Variants in PRDM10 observed in about 807,000 individuals in gnomAD.
The protein encoded by PRDM10 is PR domain zinc finger protein 10.
PRDM10 carries 65 observed loss-of-function variants against 133.1 expected under a neutral mutation model. That is an observed-to-expected ratio of 0.49 (90% CI 0.40 to 0.60). The LOEUF (loss-of-function observed/expected upper bound fraction) is 0.60, where lower values mean the gene tolerates loss of function less well. Ranked by LOEUF, PRDM10 falls within the 20% of genes least tolerant of loss-of-function variation. The probability of loss-of-function intolerance (pLI) is 0.00; values close to 1 mark genes in which losing one functional copy is unlikely to be tolerated. For missense variants in PRDM10, 1,137 were observed against 1,507.1 expected, an observed-to-expected ratio of 0.75 and a Z score of 4.07; for synonymous variants, 582 against 580.4, an observed-to-expected ratio of 1.00 and a Z score of -0.04.
rs567475881 is a variant in PRDM10, at chr11:129,991,905, C to G, written c.-119+10817G>C. Among the ~76,000 whole-genome samples, 150 of 151,028 alleles carry G rather than the reference C, an allele frequency of 9.9e-4. No individual in the cohort carries two copies. In the Middle Eastern group the frequency reaches 0.014, roughly 14 times the overall value. The stretch of plus-strand genomic sequence containing the variant: ...AGCTGAGACAGGAGTATCAGAGAAT[C>G]GCTTGAACCCAGGAGGCAGAGGTTG... On this transcript the variant is annotated intron_variant, in intron 1 of 20. Coordinates refer to ENST00000360871, the MANE Select transcript of PRDM10 (RefSeq NM_199437.2).
At chr11:129,989,287 C>G (rs536301216) in intron 1 of PRDM10, among the ~76,000 whole-genome samples, 1 of 151,898 alleles carries the variant, frequency 6.6e-6, no homozygotes, top group East Asian at 1.9e-4. Flanking sequence ...CCCTGGCCAA[C>G]AGCAAGACCC....
At chr11:129,971,417 ATTAG>A (rs1041402340) in intron 1 of PRDM10, among the ~76,000 whole-genome samples, 2 of 152,160 alleles carry the variant, frequency 1.3e-5, no homozygotes, top group African/African-American at 4.8e-5. Flanking sequence ...TCCCCATCAG[ATTAG>A]TTAGATACAG....
chr11:129,915,581 T>C lies in PRDM10; in HGVS notation c.2526+79A>G, dbSNP rs969234375. On this transcript the variant is annotated intron_variant, in intron 16 of 20. Transcript: ENST00000360871. Reference sequence around the variant, plus strand: ...CTCAGAAGGAGCCATCCAGGCCATGTGGATGAGAAGCCACCTTTCCTTAAG... The same window carrying C: ...CTCAGAAGGAGCCATCCAGGCCATGCGGATGAGAAGCCACCTTTCCTTAAG... The C allele has an allele frequency of 5.5e-6, 8 of 1,449,586 alleles. No homozygotes were observed. The African/African-American group carries it at 8.5e-5, about 15-fold the overall frequency. 89.8% of individuals were successfully genotyped at this position (1,449,586 alleles called of 1,614,324 possible). A position where few individuals can be genotyped will look rare whatever the true frequency, so the allele number is the denominator to read the frequency against.
intron 4 of PRDM10, among the ~76,000 whole-genome samples, chr11:129,953,717 G>T (rs1421177663): frequency 1.3e-5 from 2 of 149,410 alleles, no homozygotes; most frequent in Non-Finnish European, 1.5e-5. Flanking sequence ...AAAAAATTTG[G>T]TTCTTAACTT....
At chr11:129,993,242 T>C (rs1258340081) in intron 1 of PRDM10, among the ~76,000 whole-genome samples, 1 of 152,242 alleles carries the variant, frequency 6.6e-6, no homozygotes, top group Admixed American at 6.5e-5. Context: ...TTTTCTGAAG[T>C]GGCTGTTCAA....
chr11:129,995,246 G>C (rs1938983674), intron 1 of PRDM10, among the ~76,000 whole-genome samples: 1 of 152,158 alleles, frequency 6.6e-6, no homozygotes, highest in Non-Finnish European at 1.5e-5. Flanking sequence ...ATACATGATG[G>C]AAGAGACTGA....
In PRDM10 at chr11:129,961,016, T is replaced by C. The variant is rs772258683; in HGVS notation, c.-52A>G. 73 of 1,548,624 alleles carry C rather than the reference T, an allele frequency of 4.7e-5. No homozygotes were observed. The highest frequency in any genetic ancestry group is 1.3e-4 in the Admixed American group (8 of 59,742). On this transcript the variant is annotated 5_prime_UTR_variant, in exon 2 of 21. Coordinates refer to ENST00000360871, the MANE Select transcript of PRDM10 (RefSeq NM_199437.2). ...CTGGCACACCTAGAGCAGCACAGGG[T>C]ACAGGACAGTCATCTGTCTACCACA... is the stretch of plus-strand genomic sequence containing the variant.
At chr11:129,986,369 G>C (rs575819527) in intron 1 of PRDM10, among the ~76,000 whole-genome samples, 62 of 152,182 alleles carry the variant, frequency 4.1e-4, no homozygotes, top group African/African-American at 1.5e-3. Context: ...CACCTCTAAC[G>C]CTGTTGTGTG....
At chr11:129,930,924 G>A (rs536245319) in intron 11 of PRDM10, 92 bp downstream of exon 11, 1 of 1,481,268 alleles carries the variant, frequency 6.8e-7, no homozygotes, top group African/African-American at 1.4e-5. Flanking sequence ...ATTTCAGAGA[G>A]GAAGGTGAAT....
At chr11:129,928,918 C>T (rs1950767131) in intron 11 of PRDM10, among the ~76,000 whole-genome samples, 1 of 152,188 alleles carries the variant, frequency 6.6e-6, no homozygotes, top group African/African-American at 2.4e-5. Flanking sequence ...CTACCTTCCT[C>T]CTCTCTTTCA....
chr11:129,971,996 C>T (rs1426459426), intron 1 of PRDM10, among the ~76,000 whole-genome samples: 1 of 152,220 alleles, frequency 6.6e-6, no homozygotes, highest in Non-Finnish European at 1.5e-5. Flanking sequence ...GCAGCTAAGG[C>T]CCGGTGAGAA....
intron 1 of PRDM10, among the ~76,000 whole-genome samples, chr11:129,966,485 T>C (rs539133281): frequency 6.6e-6 from 1 of 152,310 alleles, no homozygotes; most frequent in East Asian, 1.9e-4. Context: ...GAATGAGTCA[T>C]GTGCACTGTT....
intron 8 of PRDM10, among the ~76,000 whole-genome samples, chr11:129,936,956 T>C (rs949374423): frequency 9.9e-5 from 15 of 152,200 alleles, no homozygotes; most frequent in African/African-American, 3.4e-4. Flanking sequence ...ATAAATTGTA[T>C]ACACAAATGT....
chr11:130,000,839 G>A (rs752635991), intron 1 of PRDM10, among the ~76,000 whole-genome samples: 1 of 152,290 alleles, frequency 6.6e-6, no homozygotes, highest in African/African-American at 2.4e-5. Context: ...GAGCGCGGGG[G>A]CCCATGCCTG....
rs138226856 is a variant in PRDM10 at position 129,990,419 on chromosome 11, G to C, written c.-119+12303C>G. On this transcript the variant is annotated intron_variant, in intron 1 of 20. Coordinates refer to ENST00000360871, the MANE Select transcript of PRDM10 (RefSeq NM_199437.2). ...TGCCTGTAATCCCAGCTATTCAGGAGGGTGAGGCCTAAGAATCACTTGAAC... is the reference window on the plus strand; with the variant it reads ...TGCCTGTAATCCCAGCTATTCAGGACGGTGAGGCCTAAGAATCACTTGAAC... 3.0e-3 allele frequency among the ~76,000 whole-genome samples: 454 copies of C among 151,562 alleles called. 4 individuals are homozygous for C. Among genetic ancestry groups the C allele is most frequent in the African/African-American group, 0.01 (429 of 41,272 alleles).
In PRDM10 at chr11:129,947,242, G is replaced by GTCCTCA. The variant is rs752190792; in HGVS notation, c.417_422dup (p.Glu142_Asp143dup). On this transcript the variant is annotated inframe_insertion, in exon 5 of 21. Transcript: ENST00000360871. This position sits in a 1 kb window ranked among gnomAD's most constrained non-coding sequence, Gnocchi z 4.6. ...CTTCCTCATCTTCCTCAGTGTCCTC[G>GTCCTCA]TCCTCATCCTCATCCTCTTCCTCTT... The GTCCTCA allele has an allele frequency of 1.4e-5, 23 of 1,613,914 alleles. No individual in the cohort carries two copies. The highest frequency in any genetic ancestry group is 8.0e-5 in the African/African-American group (6 of 74,868).
rs921020283 is a variant in PRDM10, at chr11:129,937,817, C to T, written c.967-147G>A. ...AAAAAAAGATCATGCTGTGAGCTCC[C>T]CTTGCAATACCTTTCCAGCAGATCA... On this transcript the variant is annotated intron_variant, in intron 7 of 20. Transcript: ENST00000360871. 5.8e-5 allele frequency: 35 copies of T among 600,088 alleles called. No homozygotes were observed. The African/African-American group carries it at 5.9e-4, about 10-fold the overall frequency. The allele number at this position is 600,088 out of a possible 1,614,324, so 37.2% of individuals were successfully genotyped here.
chr11:129,918,513 G>T lies in PRDM10; in HGVS notation c.2214+26C>A. On this transcript the variant is annotated intron_variant, in intron 14 of 20. Transcript: ENST00000360871. This position sits in a 1 kb window ranked among gnomAD's most constrained non-coding sequence, Gnocchi z 5.3. ...CAATGAGGTATGCTGGGAAGACAGAGGAACCCGCAGCCACTGGGCACTGAC... is the reference window on the plus strand; with the variant it reads ...CAATGAGGTATGCTGGGAAGACAGATGAACCCGCAGCCACTGGGCACTGAC... 1 of 1,605,584 alleles carries T rather than the reference G, an allele frequency of 6.2e-7. No individual in the cohort carries two copies. The highest frequency in any genetic ancestry group is 8.5e-7 in the Non-Finnish European group (1 of 1,175,348).
At chr11:129,944,238 C>T (rs755669789) in intron 6 of PRDM10, among the ~76,000 whole-genome samples, 27 of 152,120 alleles carry the variant, frequency 1.8e-4, no homozygotes, top group Non-Finnish European at 3.5e-4. Context: ...TATTTTACTA[C>T]GGCAACCCTA....
Sources: allele counts gnomAD v4.1 joint callset (sites outside exome capture counted in the v4.1 genomes callset), GRCh38; gene constraint gnomAD v4.1.1; non-coding constraint Gnocchi (gnomAD v3.1); transcripts MANE v1.5; gene names NCBI Gene and HGNC (gene_info 2026-07-23, HGNC 2026-07-21).